The following NCALD variants were observed in gnomAD, a reference collection of about 807,000 sequenced individuals.
NCALD encodes neurocalcin-delta.
Under a neutral mutation model 18.6 loss-of-function variants are expected in NCALD, and 10 were observed. That is an observed-to-expected ratio of 0.54 (90% CI 0.33 to 0.91). The LOEUF (loss-of-function observed/expected upper bound fraction) is 0.91. NCALD is among the 40% of genes least tolerant of loss of function. NCALD has a pLI of 0.03. For missense variants in NCALD, 184 were observed against 247.6 expected, an observed-to-expected ratio of 0.74 and a Z score of 1.72; for synonymous variants, 88 against 87.4, an observed-to-expected ratio of 1.01 and a Z score of -0.04.
At chr8:101,745,727 A>G (rs554889179) in intron 1 of NCALD, 1 of 152,220 alleles carries the variant, frequency 6.6e-6, no homozygotes, top group Admixed American at 6.5e-5. Context: ...CCTAATGTTC[A>G]CCCTCACTTC....
chr8:101,729,414 C>T (rs1252752622), intron 1 of NCALD, among the ~76,000 whole-genome samples: 2 of 152,156 alleles, frequency 1.3e-5, no homozygotes, highest in Non-Finnish European at 2.9e-5. Context: ...GAGACCTATG[C>T]CCTATTTGGA....
At chr8:101,868,164 T>C (rs1815852067) in intron 4 of NCALD, among the ~76,000 whole-genome samples, 1 of 152,138 alleles carries the variant, frequency 6.6e-6, no homozygotes, top group Non-Finnish European at 1.5e-5. Context: ...GGAGGAACAC[T>C]GCTTGTAGAC....
rs568460653 is a variant in NCALD, at chr8:101,950,713, T to C, written c.-156-34855A>G. 1.7e-3 allele frequency among the ~76,000 whole-genome samples: 264 copies of C among 152,302 alleles called. 8 individuals are homozygous for C. In the South Asian group the frequency reaches 0.054, roughly 31 times the overall value. ...CTTGTTCCTATTGAAGGTCTGACACTGCACTAGAAGAGAATTCCTGTGTAG... is the reference window on the plus strand; with the variant it reads ...CTTGTTCCTATTGAAGGTCTGACACCGCACTAGAAGAGAATTCCTGTGTAG... On this transcript the variant is annotated intron_variant, in intron 2 of 6. Transcript: ENST00000311028.
intron 2 of NCALD, among the ~76,000 whole-genome samples, chr8:101,972,315 C>CTATA (rs1820271719): frequency 6.6e-6 from 1 of 152,206 alleles, no homozygotes; most frequent in African/African-American, 2.4e-5. Flanking sequence ...CACTCATAGG[C>CTATA]TATACCACTA....
At chr8:101,847,056 ACTT>A (rs1241331306) in intron 4 of NCALD, among the ~76,000 whole-genome samples, 3 of 152,112 alleles carry the variant, frequency 2.0e-5, no homozygotes, top group African/African-American at 7.2e-5. Flanking sequence ...CATTTTCCAG[ACTT>A]CTTTCAGCTA....
intron 4 of NCALD, among the ~76,000 whole-genome samples, chr8:101,807,877 T>G (rs1813161732): frequency 1.3e-5 from 2 of 152,016 alleles, no homozygotes; most frequent in South Asian, 4.1e-4. Flanking sequence ...TTCTATCTCA[T>G]AGTTGGGAAA....
At chr8:102,043,914 A>T (rs1030948327) in intron 1 of NCALD, among the ~76,000 whole-genome samples, 1 of 151,834 alleles carries the variant, frequency 6.6e-6, no homozygotes, top group Non-Finnish European at 1.5e-5. Context: ...CAGAAAGAAG[A>T]TATCTTAAGC....
At chr8:101,952,576 C>T (rs557168896) in intron 2 of NCALD, among the ~76,000 whole-genome samples, 1 of 152,186 alleles carries the variant, frequency 6.6e-6, no homozygotes, top group South Asian at 2.1e-4. Flanking sequence ...CATCTCTGGT[C>T]ACAGCTGAGA....
At chr8:102,122,310 G>C (rs573940962) in intron 1 of NCALD, among the ~76,000 whole-genome samples, 6 of 152,332 alleles carry the variant, frequency 3.9e-5, no homozygotes, top group South Asian at 4.2e-4. Context: ...GTGGGACCGT[G>C]AAAGTCCCTG....
chr8:102,098,254 G>A lies in NCALD; in HGVS notation c.-210+25983C>T, dbSNP rs572549378. On this transcript the variant is annotated intron_variant, in intron 1 of 6. Coordinates refer to the NCALD transcript ENST00000311028. ...TACCTCTGGCTTCTAGATGGGCTGG[G>A]GTAATGGGAAGGACTGCAGAGGGTG... 2.6e-5 allele frequency among the ~76,000 whole-genome samples: 4 copies of A among 152,270 alleles called. No individual in the cohort carries two copies. The South Asian group carries it at 6.2e-4, about 24-fold the overall frequency.
At position 101,702,141 on chromosome 8, in the gene NCALD, A is replaced by G. The variant is rs369047412; in HGVS notation, c.379-9245T>C. 3.9e-5 allele frequency among the ~76,000 whole-genome samples: 6 copies of G among 152,288 alleles called. No individual in the cohort carries two copies. The East Asian group carries it at 7.7e-4, about 20-fold the overall frequency. ...TTTCACGTAAGATTTTACTCAGAAA[A>G]CGAAGCAAAACAAAACCATTTTTGC... On this transcript the variant is annotated intron_variant, in intron 2 of 3. Coordinates refer to ENST00000220931, the MANE Select transcript of NCALD (RefSeq NM_032041.3).
At chr8:101,795,147 C>G (rs1050218422), upstream of NCALD, among the ~76,000 whole-genome samples, 16 of 152,208 alleles carry the variant, frequency 1.1e-4, no homozygotes, top group East Asian at 2.7e-3. Flanking sequence ...AGTTCTGTTT[C>G]CCACTATGAT....
intron 1 of NCALD, among the ~76,000 whole-genome samples, chr8:102,118,598 G>A (rs186538010): frequency 3.3e-5 from 5 of 152,284 alleles, no homozygotes; most frequent in African/African-American, 1.2e-4. Context: ...GAGATCTCTC[G>A]ATGCCGTATT....
intron 3 of NCALD, among the ~76,000 whole-genome samples, chr8:101,892,205 C>T (rs978242603): frequency 3.3e-5 from 5 of 149,564 alleles, no homozygotes; most frequent in Admixed American, 2.6e-4. Flanking sequence ...GTCCCTGACC[C>T]CTGACCCCCG....
chr8:101,959,386 T>C (rs1202799437), intron 2 of NCALD, among the ~76,000 whole-genome samples: 2 of 152,198 alleles, frequency 1.3e-5, no homozygotes, highest in Non-Finnish European at 2.9e-5. Flanking sequence ...AAGGTGATGT[T>C]AGCTGGAGAA....
intron 1 of NCALD, among the ~76,000 whole-genome samples, chr8:102,108,233 G>A (rs769801477): frequency 6.7e-4 from 102 of 152,262 alleles, no homozygotes; most frequent in Non-Finnish European, 7.4e-4. Context: ...GCACAGTTTG[G>A]CATACACAAA....
chr8:102,085,332 G>T (rs765385669), intron 1 of NCALD, among the ~76,000 whole-genome samples: 1 of 152,204 alleles, frequency 6.6e-6, no homozygotes, highest in Non-Finnish European at 1.5e-5. Flanking sequence ...CCACATCTGG[G>T]AGTTCCCAGT....
At chr8:102,099,381 T>A (rs1365916711) in intron 1 of NCALD, among the ~76,000 whole-genome samples, 1 of 152,148 alleles carries the variant, frequency 6.6e-6, no homozygotes, top group Non-Finnish European at 1.5e-5. Flanking sequence ...GCAACACACT[T>A]AGATGAGACA....
chr8:101,860,796 G>A (rs1300857586), intron 4 of NCALD, among the ~76,000 whole-genome samples: 1 of 152,040 alleles, frequency 6.6e-6, no homozygotes, highest in East Asian at 1.9e-4. Flanking sequence ...ACACTATAAG[G>A]AGATTGTGTC....
Sources: gnomAD v4.1 joint callset for allele counts (sites outside exome capture counted in the v4.1 genomes callset) on GRCh38, gnomAD v4.1.1 for gene constraint, MANE v1.5 for transcripts, NCBI Gene and HGNC (gene_info 2026-07-23, HGNC 2026-07-21) for gene names.